The following POLR3B variants were observed in gnomAD, a reference collection of about 807,000 sequenced individuals.
POLR3B encodes RNA polymerase III subunit B.
POLR3B carries 96 observed loss-of-function variants against 147.4 expected under a neutral mutation model. The ratio of observed to expected loss-of-function variants is 0.65; its 90% CI spans 0.55 to 0.77. POLR3B has a LOEUF of 0.77. Among genes scored for constraint, POLR3B ranks in the 30% least tolerant of loss-of-function variants. The pLI is 0.00. For synonymous variants in POLR3B, 461 were observed against 485.9 expected (o/e 0.95, Z 0.67); for missense variants, 1,036 against 1,413.5 (o/e 0.73, Z 4.28).
intron 7 of POLR3B, among the ~76,000 whole-genome samples, chr12:106,377,789 A>T (rs2036700958): frequency 6.6e-6 from 1 of 152,170 alleles, no homozygotes. Flanking sequence ...TCACGTGCTG[A>T]TCTTCAGTCC....
chr12:106,503,282 G>A (rs1289949559), intron 26 of POLR3B, among the ~76,000 whole-genome samples: 1 of 152,110 alleles, frequency 6.6e-6, no homozygotes, highest in Non-Finnish European at 1.5e-5. Context: ...TAAAATTTCA[G>A]TATGTGTTGG....
chr12:106,452,765 A>G (rs568442293), intron 19 of POLR3B, among the ~76,000 whole-genome samples: 2 of 152,346 alleles, frequency 1.3e-5, no homozygotes, highest in East Asian at 1.9e-4. Context: ...TTGGCAATTT[A>G]TAGTGCAACC....
rs565787780 is a variant in POLR3B, at chr12:106,504,491, T to C, written c.3272+237T>C. 3.3e-4 allele frequency among the ~76,000 whole-genome samples: 51 copies of C among 152,360 alleles called. No homozygotes were observed. Among genetic ancestry groups the C allele is most frequent in the South Asian group, 1.7e-3 (8 of 4,832 alleles). On this transcript the variant is annotated intron_variant, in intron 27 of 27. Transcript: ENST00000228347. The surrounding 1 kb of genome is among the most constrained non-coding windows in gnomAD (Gnocchi z 4.6). ...CTAAGCTCCCAAGGAGTACAAACTT[T>C]ACCTCCTTTTAAATATTCTCTCAGG...
chr12:106,470,524 G>A (rs968682483), intron 23 of POLR3B, among the ~76,000 whole-genome samples: 3 of 152,154 alleles, frequency 2.0e-5, no homozygotes, highest in Admixed American at 6.5e-5. Flanking sequence ...CTTTGGAGGA[G>A]AAGAGGCATT....
Position 106,463,621 on chromosome 12 carries a change from G to T in POLR3B, c.2713+1G>T. Reference sequence around the variant, plus strand: ...TTCAGCAGTCGTCATGGGCAAAAAGGTAAACTGTATCATTTCTCAACTTGA... The same window carrying T: ...TTCAGCAGTCGTCATGGGCAAAAAGTTAAACTGTATCATTTCTCAACTTGA... On this transcript the variant is annotated splice_donor_variant, in intron 23 of 27. Transcript: ENST00000228347. LOFTEE classifies it high-confidence loss of function. 1.2e-6 allele frequency: 2 copies of T among 1,611,138 alleles called. No homozygotes were observed. Among genetic ancestry groups the T allele is most frequent in the Non-Finnish European group, 1.7e-6 (2 of 1,177,354 alleles).
chr12:106,368,018 T>G (rs2036555962), intron 4 of POLR3B, among the ~76,000 whole-genome samples: 1 of 152,192 alleles, frequency 6.6e-6, no homozygotes, highest in Non-Finnish European at 1.5e-5. Context: ...TATATCAATT[T>G]GGACTCATGG....
At chr12:106,378,420 T>C in intron 8 of POLR3B, 36 bp downstream of exon 8, 1 of 1,291,618 alleles carries the variant, frequency 7.7e-7, no homozygotes, top group Non-Finnish European at 1.1e-6. Flanking sequence ...TAAGCAATAT[T>C]GGTCATTCCA....
chr12:106,394,705 A>G (rs894471313), intron 10 of POLR3B, among the ~76,000 whole-genome samples: 2 of 152,228 alleles, frequency 1.3e-5, no homozygotes, highest in African/African-American at 2.4e-5. Flanking sequence ...CTGACAGAAA[A>G]TGTCAGCTAA....
chr12:106,502,962 G>C (rs560582207), intron 26 of POLR3B, among the ~76,000 whole-genome samples: 50 of 152,276 alleles, frequency 3.3e-4, no homozygotes, highest in South Asian at 2.1e-3. Flanking sequence ...TCCATATGAA[G>C]ACTGCCTCGA....
chr12:106,381,814 G>A (rs1371931025), intron 9 of POLR3B, among the ~76,000 whole-genome samples: 1 of 152,238 alleles, frequency 6.6e-6, no homozygotes, highest in Non-Finnish European at 1.5e-5. Flanking sequence ...AGGCACAGCA[G>A]CCCCAAGGGC....
intron 12 of POLR3B, among the ~76,000 whole-genome samples, chr12:106,418,454 C>A (rs1158673214): frequency 6.6e-6 from 1 of 152,140 alleles, no homozygotes; most frequent in Non-Finnish European, 1.5e-5. Flanking sequence ...ATTTTGCAAC[C>A]AGTTTGTGTG....
At position 106,357,837 on chromosome 12, in the gene POLR3B, G is replaced by T; in HGVS notation, c.-43G>T. ...GCAGTTTGCTTGGTGCAGGGAAGGC[G>T]GGCGCGGAGGTTCTATCTGTTTCTT... is the stretch of plus-strand genomic sequence containing the variant. On this transcript the variant is annotated 5_prime_UTR_variant, in exon 1 of 28. Coordinates refer to ENST00000228347, the MANE Select transcript of POLR3B (RefSeq NM_018082.6). The T allele has an allele frequency of 6.3e-7, 1 of 1,590,120 alleles. No homozygotes were observed. The highest frequency in any genetic ancestry group is 1.1e-5 in the South Asian group (1 of 88,920).
chr12:106,471,576 C>T (rs992687927), intron 23 of POLR3B, among the ~76,000 whole-genome samples: 9 of 152,094 alleles, frequency 5.9e-5, no homozygotes, highest in African/African-American at 1.9e-4. Context: ...AGACCAGAGC[C>T]ATTCCTATTT....
At chr12:106,501,461 G>A (rs750399099) in intron 26 of POLR3B, 25 bp downstream of exon 26, 3 of 1,318,554 alleles carry the variant, frequency 2.3e-6, no homozygotes, top group Non-Finnish European at 2.2e-6. Flanking sequence ...CTTACAAAAA[G>A]AATTGATAAT....
At chr12:106,400,272 A>G (rs1427577467) in intron 10 of POLR3B, among the ~76,000 whole-genome samples, 3 of 152,218 alleles carry the variant, frequency 2.0e-5, no homozygotes, top group Non-Finnish European at 4.4e-5. Flanking sequence ...TCAATTCAAC[A>G]AGAAGAGCTA....
chr12:106,454,115 G>A (rs1021251161), intron 19 of POLR3B, among the ~76,000 whole-genome samples: 3 of 151,770 alleles, frequency 2.0e-5, no homozygotes, highest in Non-Finnish European at 4.4e-5. Flanking sequence ...TAAGCTCCTC[G>A]GATGTGAACA....
At chr12:106,409,217 T>A (rs1460588067) in intron 11 of POLR3B, among the ~76,000 whole-genome samples, 1 of 152,030 alleles carries the variant, frequency 6.6e-6, no homozygotes, top group Admixed American at 6.6e-5. Flanking sequence ...AAATGTAAAT[T>A]ATATATACTT....
At chr12:106,413,495 A>G (rs533050049) in intron 12 of POLR3B, among the ~76,000 whole-genome samples, 2 of 152,176 alleles carry the variant, frequency 1.3e-5, no homozygotes, top group South Asian at 4.1e-4. Context: ...TTGTTATGGG[A>G]TTAGATGAAT....
At chr12:106,486,475 T>G (rs914756306) in intron 23 of POLR3B, among the ~76,000 whole-genome samples, 3 of 152,048 alleles carry the variant, frequency 2.0e-5, no homozygotes, top group Non-Finnish European at 2.9e-5. Context: ...TATCTTACTC[T>G]GCTCCTGAGA....
Sources: allele counts gnomAD v4.1 joint callset (sites outside exome capture counted in the v4.1 genomes callset), GRCh38; gene constraint gnomAD v4.1.1; non-coding constraint Gnocchi (gnomAD v3.1); transcripts MANE v1.5; gene names NCBI Gene and HGNC (gene_info 2026-07-23, HGNC 2026-07-21).